APP: variants seen among roughly 807,000 people sequenced by gnomAD.
APP encodes the protein amyloid-beta precursor protein.
APP carries 31 observed loss-of-function variants against 101.4 expected under a neutral mutation model. The observed-to-expected ratio is 0.31, with a 90% CI of 0.23 to 0.41. The LOEUF (loss-of-function observed/expected upper bound fraction) is 0.41, where lower values mean the gene tolerates loss of function less well. APP is among the 10% of genes least tolerant of loss of function. APP has a pLI of 1.00. For missense variants in APP, 839 were observed against 1,003.7 expected, an observed-to-expected ratio of 0.84 and a Z score of 2.22; for synonymous variants, 366 against 364.4, an observed-to-expected ratio of 1.00 and a Z score of -0.05.
chr21:26,032,157 G>A (rs2044859096), intron 5 of APP, among the ~76,000 whole-genome samples: 1 of 152,174 alleles, frequency 6.6e-6, no homozygotes, highest in South Asian at 2.1e-4. Flanking sequence ...CCATTAGTGA[G>A]CTAACATTTT....
chr21:26,035,106 T>C (rs1019264436), intron 5 of APP, among the ~76,000 whole-genome samples: 19 of 151,688 alleles, frequency 1.3e-4, no homozygotes, highest in Non-Finnish European at 1.9e-4. Context: ...GGCAACAAAG[T>C]GAGATCTTGT....
Position 26,090,575 on chromosome 21 carries a change from G to T in APP, c.226-503C>A, listed in dbSNP as rs575135926. Among the ~76,000 whole-genome samples the T allele has an allele frequency of 7.2e-5, 11 of 152,210 alleles. No individual in the cohort carries two copies. In the East Asian group the frequency reaches 2.1e-3, roughly 29 times the overall value. On this transcript the variant is annotated intron_variant, in intron 2 of 17. Transcript: ENST00000346798. ...GACTTAAAATATTATTTTTCCAGGG[G>T]AGCTAAAATAGAAACAAGAGGGGGA...
chr21:25,909,662 A>G (rs1309534726), intron 14 of APP, among the ~76,000 whole-genome samples: 1 of 152,200 alleles, frequency 6.6e-6, no homozygotes, highest in Non-Finnish European at 1.5e-5. Flanking sequence ...TTAGTAAAAG[A>G]GCAAATTTAG....
intron 9 of APP, among the ~76,000 whole-genome samples, chr21:25,979,649 A>G (rs2042350461): frequency 6.6e-6 from 1 of 152,218 alleles, no homozygotes; most frequent in East Asian, 1.9e-4. Flanking sequence ...AAAATCATGA[A>G]CTAAGTCACA....
chr21:26,065,402 C>G (rs1480380374), intron 3 of APP, among the ~76,000 whole-genome samples: 1 of 152,180 alleles, frequency 6.6e-6, no homozygotes, highest in African/African-American at 2.4e-5. Context: ...CTATTAATAA[C>G]TAGACAGCGC....
At chr21:25,936,989 G>C (rs1485945672) in intron 13 of APP, among the ~76,000 whole-genome samples, 1 of 152,110 alleles carries the variant, frequency 6.6e-6, no homozygotes, top group African/African-American at 2.4e-5. Flanking sequence ...ACAAGGAAGT[G>C]ATTTATTTCA....
chr21:26,133,506 C>A (rs997704057), intron 1 of APP, among the ~76,000 whole-genome samples: 1 of 152,092 alleles, frequency 6.6e-6, no homozygotes. Context: ...CTAGAATAGG[C>A]CGGGCGCGGT....
At chr21:26,000,736 T>C (rs998793815) in intron 6 of APP, among the ~76,000 whole-genome samples, 2 of 151,780 alleles carry the variant, frequency 1.3e-5, no homozygotes, top group African/African-American at 4.9e-5. Flanking sequence ...TCTGTAAATG[T>C]GACTTATACT....
chr21:26,073,299 G>C (rs1378949102), intron 3 of APP, among the ~76,000 whole-genome samples: 1 of 152,162 alleles, frequency 6.6e-6, no homozygotes, highest in Non-Finnish European at 1.5e-5. Context: ...GAGCCTGAAA[G>C]GAAAATGGAG....
At position 26,097,871 on chromosome 21, in the gene APP, T is replaced by C. The variant is rs574065322; in HGVS notation, c.226-7799A>G. ...CAAGACGGGTGGATCACAAGGTCAG[T>C]AGATCGAGACCATCCTGGCTAACAT... On this transcript the variant is annotated intron_variant, in intron 2 of 17. Transcript: ENST00000346798. 9.0e-4 allele frequency among the ~76,000 whole-genome samples: 137 copies of C among 152,054 alleles called. 1 individual carries two copies. The Middle Eastern group carries it at 0.014, about 15-fold the overall frequency.
intron 17 of APP, among the ~76,000 whole-genome samples, chr21:25,890,965 A>G (rs1458724504): frequency 6.6e-6 from 1 of 152,178 alleles, no homozygotes; most frequent in Non-Finnish European, 1.5e-5. Flanking sequence ...TTATGTTTAC[A>G]CTATACTCTC....
chr21:25,930,586 T>TTATATG (rs1555897916), intron 13 of APP, among the ~76,000 whole-genome samples: 1 of 150,058 alleles, frequency 6.7e-6, no homozygotes, highest in Non-Finnish European at 1.5e-5. Context: ...ATAGCACAAA[T>TTATATG]TATATATATA....
intron 5 of APP, among the ~76,000 whole-genome samples, chr21:26,037,057 C>G (rs2045148524): frequency 6.6e-6 from 1 of 152,146 alleles, no homozygotes; most frequent in Non-Finnish European, 1.5e-5. Flanking sequence ...GAATAAAATC[C>G]TGTCATTTGA....
At chr21:26,084,914 C>T (rs954550450) in intron 3 of APP, among the ~76,000 whole-genome samples, 4 of 152,130 alleles carry the variant, frequency 2.6e-5, no homozygotes, top group African/African-American at 7.2e-5. Context: ...CATTCTGTGT[C>T]GACTTTCAAG....
intron 9 of APP, among the ~76,000 whole-genome samples, chr21:25,981,842 C>A (rs900630603): frequency 1.3e-5 from 2 of 151,544 alleles, no homozygotes; most frequent in Non-Finnish European, 2.9e-5. Context: ...GGAAGCCACT[C>A]TCTCGAACCT....
chr21:25,935,409 G>A (rs2040318078), intron 13 of APP: 1 of 152,146 alleles, frequency 6.6e-6, no homozygotes, highest in Non-Finnish European at 1.5e-5. Flanking sequence ...GCAACATTAG[G>A]TTAACTGTGA....
At position 25,902,553 on chromosome 21, in the gene APP, G is replaced by A. The variant is rs796765756; in HGVS notation, c.1963+2471C>T. On this transcript the variant is annotated intron_variant, in intron 15 of 17. Transcript: ENST00000346798. ...ATCTTACTGGGCAACCCAAGCCTACGCTGTGTATGAAAGGAAGCTTGGCTT... is the reference window on the plus strand; with the variant it reads ...ATCTTACTGGGCAACCCAAGCCTACACTGTGTATGAAAGGAAGCTTGGCTT... Among the ~76,000 whole-genome samples the A allele has an allele frequency of 7.5e-5, 11 of 147,014 alleles. 1 individual carries two copies. Among genetic ancestry groups the A allele is most frequent in the Middle Eastern group, 3.4e-3 (1 of 292 alleles).
intron 14 of APP, among the ~76,000 whole-genome samples, chr21:25,905,334 G>A (rs1292188153): frequency 6.6e-6 from 1 of 152,110 alleles, no homozygotes; most frequent in Non-Finnish European, 1.5e-5. Flanking sequence ...ACCAGGATAC[G>A]CAGCAACATC....
chr21:26,139,402 T>C (rs2146303394), intron 1 of APP, among the ~76,000 whole-genome samples: 1 of 152,338 alleles, frequency 6.6e-6, no homozygotes, highest in Non-Finnish European at 1.5e-5. Context: ...GGTCCACAGA[T>C]AAGGTAAGGT....
Sources: allele counts gnomAD v4.1 joint callset (sites outside exome capture counted in the v4.1 genomes callset), GRCh38; gene constraint gnomAD v4.1.1; transcripts MANE v1.5; gene names NCBI Gene and HGNC (gene_info 2026-07-23, HGNC 2026-07-21).